Variants in DRG2 observed in about 807,000 individuals in gnomAD.
DRG2 encodes developmentally regulated GTP binding protein 2.
In DRG2, 36 loss-of-function variants were observed where a neutral mutation model predicts 53.4. That is an observed-to-expected ratio of 0.67 (90% confidence interval 0.52 to 0.89). DRG2 has a LOEUF of 0.89. DRG2 is among the 40% of genes least tolerant of loss of function. The probability of loss-of-function intolerance (pLI) is 0.00; values close to 1 mark genes in which losing one functional copy is unlikely to be tolerated. For missense variants in DRG2, 342 were observed against 481.2 expected, an observed-to-expected ratio of 0.71 and a Z score of 2.71; for synonymous variants, 167 against 192.1, an observed-to-expected ratio of 0.87 and a Z score of 1.08.
chr17:18,106,344 C>T (rs1215367087), intron 11 of DRG2, 89 bp from the exon 12 acceptor site: 3 of 1,483,558 alleles, frequency 2.0e-6, no homozygotes, highest in Admixed American at 1.7e-5. Context: ...GCCTCTTGGC[C>T]TGTGTCCTGA....
Position 18,087,961 on chromosome 17 carries a change from C to A in DRG2, c.-63C>A, listed in dbSNP as rs575383859. 9 of 1,527,262 alleles carry A rather than the reference C, an allele frequency of 5.9e-6. No homozygotes were observed. The Admixed American group carries it at 1.4e-4, about 24-fold the overall frequency. 94.6% of individuals were successfully genotyped at this position (1,527,262 alleles called of 1,614,324 possible). A position where few individuals can be genotyped will look rare whatever the true frequency, so the allele number is the denominator to read the frequency against. On this transcript the variant is annotated 5_prime_UTR_variant, in exon 1 of 13. Transcript: ENST00000225729. ...CGGGCGCACGCTACTCTGTCGCCGCCGTCAGACCGGAATTGCCGGTGCCGC... is the reference window on the plus strand; with the variant it reads ...CGGGCGCACGCTACTCTGTCGCCGCAGTCAGACCGGAATTGCCGGTGCCGC...
At position 18,090,236 on chromosome 17, in the gene DRG2, G is replaced by GGCTGGAGT. The variant is rs200786158; in HGVS notation, c.64+2160_64+2167dup. Among the ~76,000 whole-genome samples the GGCTGGAGT allele has an allele frequency of 8.1e-3, 1,097 of 135,880 alleles. 19 individuals carry two copies. The highest frequency in any genetic ancestry group is 0.03 in the African/African-American group (1,058 of 35,744). 89.1% of individuals were successfully genotyped at this position (135,880 alleles called of 152,430 possible). A position where few individuals can be genotyped will look rare whatever the true frequency, so the allele number is the denominator to read the frequency against. On this transcript the variant is annotated intron_variant, in intron 1 of 12. Transcript: ENST00000225729. Reference sequence around the variant, plus strand: ...TGAGACAGTCTTGCTCTGTTGCCCAGGCTGGAGTGCTGGAGTGCAGTGGTG... The same window carrying GGCTGGAGT: ...TGAGACAGTCTTGCTCTGTTGCCCAGGCTGGAGTGCTGGAGTGCTGGAGTGCAGTGGTG...
At position 18,101,904 on chromosome 17, in the gene DRG2, C is replaced by T; in HGVS notation, c.730-17C>T. The T allele has an allele frequency of 6.2e-7, 1 of 1,607,374 alleles. No individual in the cohort carries two copies. Among genetic ancestry groups the T allele is most frequent in the Admixed American group, 1.7e-5 (1 of 59,620 alleles). ...TGCTCCTGTCCTCAGCACCGGCCTC[C>T]ACCTTCTCAATCTCAGGTTTATAAC... On this transcript the variant is annotated splice_polypyrimidine_tract_variant and intron_variant, in intron 8 of 12. Coordinates refer to ENST00000225729, the MANE Select transcript of DRG2 (RefSeq NM_001388.5).
Position 18,098,191 on chromosome 17 carries a change from G to T in DRG2, c.226-79G>T. The T allele has an allele frequency of 8.1e-7, 1 of 1,230,338 alleles. No homozygotes were observed. The allele number at this position is 1,230,338 out of a possible 1,614,324, so 76.2% of individuals were successfully genotyped here. On this transcript the variant is annotated intron_variant, in intron 2 of 12. Transcript: ENST00000225729. This position sits in a 1 kb window ranked among gnomAD's most constrained non-coding sequence, Gnocchi z 4.1. ...GGGTCTCCTCCTGCTGCCTGCACCT[G>T]CAGGCCCCCAGCCCCTGGGGCCTCT...
In DRG2 at chr17:18,098,375, G is replaced by A. The variant is rs1380957861; in HGVS notation, c.315+16G>A. On this transcript the variant is annotated intron_variant, in intron 3 of 12. Transcript: ENST00000225729. The surrounding 1 kb of genome is among the most constrained non-coding windows in gnomAD (Gnocchi z 4.1). ...GGTCATTGAAGTAAGTGGGTGTGCT[G>A]GGCCCAGAAGGAGAAGGGGCGCATG... 1.2e-6 allele frequency: 2 copies of A among 1,610,722 alleles called. No individual in the cohort carries two copies. The highest frequency in any genetic ancestry group is 2.2e-5 in the East Asian group (1 of 44,852).
chr17:18,089,479 T>G (rs4925138), intron 1 of DRG2, among the ~76,000 whole-genome samples: 66,180 of 152,082 alleles, frequency 0.44, 16,672 homozygotes, highest in Non-Finnish European at 0.59. Context: ...GGCACTGTGG[T>G]TAAAGCAGTG....
intron 2 of DRG2, among the ~76,000 whole-genome samples, chr17:18,094,703 G>A (rs775461957): frequency 5.3e-5 from 8 of 151,988 alleles, no homozygotes; most frequent in Admixed American, 3.3e-4. Flanking sequence ...GGCCGGGCGC[G>A]GTGGCTCACA....
At chr17:18,092,932 CAT>C (rs533284444) in intron 1 of DRG2, among the ~76,000 whole-genome samples, 4 of 152,226 alleles carry the variant, frequency 2.6e-5, no homozygotes, top group Non-Finnish European at 5.9e-5. Context: ...CAAAGCATGA[CAT>C]AGTCTTCCCT....
chr17:18,106,568 C>T (rs2045637476), intron 12 of DRG2, 82 bp downstream of exon 12: 1 of 1,485,724 alleles, frequency 6.7e-7, no homozygotes, highest in Non-Finnish European at 9.4e-7. Flanking sequence ...CATTCACACT[C>T]TCTGCGTGGT....
Position 18,098,192 on chromosome 17 carries a change from C to A in DRG2, c.226-78C>A, listed in dbSNP as rs1487566648. On this transcript the variant is annotated intron_variant, in intron 2 of 12. Coordinates refer to ENST00000225729, the MANE Select transcript of DRG2 (RefSeq NM_001388.5). The surrounding 1 kb of genome is among the most constrained non-coding windows in gnomAD (Gnocchi z 4.1). ...GGTCTCCTCCTGCTGCCTGCACCTG[C>A]AGGCCCCCAGCCCCTGGGGCCTCTC... 8.1e-7 allele frequency: 1 copy of A among 1,236,964 alleles called. No homozygotes were observed. The allele number at this position is 1,236,964 out of a possible 1,614,324, so 76.6% of individuals were successfully genotyped here.
chr17:18,099,982 G>A lies in DRG2; in HGVS notation c.467+259G>A. The A allele has an allele frequency of 3.4e-6, 2 of 590,608 alleles. No individual in the cohort carries two copies. The highest frequency in any genetic ancestry group is 6.0e-6 in the Non-Finnish European group (2 of 331,648). 36.6% of individuals were successfully genotyped at this position (590,608 alleles called of 1,614,324 possible). On this transcript the variant is annotated intron_variant, in intron 5 of 12. Coordinates refer to ENST00000225729, the MANE Select transcript of DRG2 (RefSeq NM_001388.5). This position sits in a 1 kb window ranked among gnomAD's most constrained non-coding sequence, Gnocchi z 4.4. ...CTGCTTCCTGTTCAGAGGCACAGGT[G>A]CCTCATCACTGCCCAGAACCTGCCA...
chr17:18,090,277 G>A (rs1317422276), intron 1 of DRG2, among the ~76,000 whole-genome samples: 1 of 128,562 alleles, frequency 7.8e-6, no homozygotes, highest in Non-Finnish European at 1.6e-5. Flanking sequence ...ATAGCTCACT[G>A]TAACTTCAAA....
chr17:18,101,853 G>A (rs1198229232), intron 8 of DRG2, 68 bp from the exon 9 acceptor site: 16 of 1,511,928 alleles, frequency 1.1e-5, no homozygotes, highest in African/African-American at 4.1e-5. Flanking sequence ...GGCACAGGGC[G>A]ATGGAGGGCC....
intron 10 of DRG2, 118 bp from the exon 11 acceptor site, chr17:18,104,505 A>G: frequency 6.5e-7 from 1 of 1,539,132 alleles, no homozygotes; most frequent in Non-Finnish European, 8.7e-7. Flanking sequence ...GGGGGAGGTT[A>G]GGCCAAGGCA....
Position 18,101,923 on chromosome 17 carries a change from T to A in DRG2, c.732T>A (p.Val244=). 1 of 1,611,512 alleles carries A rather than the reference T, an allele frequency of 6.2e-7. No homozygotes were observed. The highest frequency in any genetic ancestry group is 1.1e-5 in the South Asian group (1 of 90,494). The change falls in exon 9 of 13, where the codon GTT becomes GTA. Residue 244 remains valine (V), a splice_region_variant and synonymous_variant. Coordinates refer to ENST00000225729, the MANE Select transcript of DRG2 (RefSeq NM_001388.5). ...GGCCTCCACCTTCTCAATCTCAGGT[T>A]TATAACAAAATCGACCAGATCTCCA... ...GNRVYMPCLY[V]YNKIDQISME...
Position 18,088,096 on chromosome 17 carries a change from C to T in DRG2, c.64+9C>T, listed in dbSNP as rs376641124. The T allele has an allele frequency of 4.2e-5, 65 of 1,541,084 alleles. No individual in the cohort carries two copies. In the African/African-American group the frequency reaches 8.0e-4, roughly 19 times the overall value. On this transcript the variant is annotated intron_variant, in intron 1 of 12. Coordinates refer to ENST00000225729, the MANE Select transcript of DRG2 (RefSeq NM_001388.5). Reference sequence around the variant, plus strand: ...GACACAGAAGAACAAGGGTGAGGGCCGGCCGGGCGGGGCCTTCCTTTCTGC... The same window carrying T: ...GACACAGAAGAACAAGGGTGAGGGCTGGCCGGGCGGGGCCTTCCTTTCTGC...
chr17:18,106,036 G>A (rs573938273), intron 11 of DRG2: 2 of 230,096 alleles, frequency 8.7e-6, no homozygotes, highest in East Asian at 9.4e-5. Flanking sequence ...CAGGCCACAG[G>A]TGGGGCCAGG....
intron 2 of DRG2, chr17:18,096,432 A>G (rs2045435198): frequency 2.0e-5 from 3 of 152,222 alleles, no homozygotes; most frequent in Admixed American, 2.0e-4. Context: ...GTCTAAACCC[A>G]TACCATGTTC....
rs937025250 is a variant in DRG2, at chr17:18,098,697, CTG to C, written c.316-316_316-315del. Among the ~76,000 whole-genome samples the C allele has an allele frequency of 3.9e-5, 6 of 152,342 alleles. No individual in the cohort carries two copies. Among genetic ancestry groups the C allele is most frequent in the African/African-American group, 1.4e-4 (6 of 41,584 alleles). ...CCCCATGAAGCTTCACTGCCTTGGGCTGTGTTTGCTTTGGGCAGCTGAGTGGT... is the reference window on the plus strand; with the variant it reads ...CCCCATGAAGCTTCACTGCCTTGGGCTGTTTGCTTTGGGCAGCTGAGTGGT... On this transcript the variant is annotated intron_variant, in intron 3 of 12. Coordinates refer to ENST00000225729, the MANE Select transcript of DRG2 (RefSeq NM_001388.5). This position sits in a 1 kb window ranked among gnomAD's most constrained non-coding sequence, Gnocchi z 4.1.
Sources: allele counts gnomAD v4.1 joint callset (sites outside exome capture counted in the v4.1 genomes callset), GRCh38; gene constraint gnomAD v4.1.1; non-coding constraint Gnocchi (gnomAD v3.1); transcripts MANE v1.5; gene names NCBI Gene and HGNC (gene_info 2026-07-23, HGNC 2026-07-21).